The following MALRD1 variants were observed in gnomAD, a reference collection of about 807,000 sequenced individuals.
The protein encoded by MALRD1 is MAM and LDL receptor class A domain containing 1.
Under a neutral mutation model 242.1 loss-of-function variants are expected in MALRD1, and 247 were observed. The observed-to-expected ratio is 1.02, with a 90% confidence interval of 0.92 to 1.13. The LOEUF (loss-of-function observed/expected upper bound fraction) is 1.13. MALRD1 is among the 50% of genes most tolerant of loss of function. The probability of loss-of-function intolerance (pLI) is 0.00; values close to 1 mark genes in which losing one functional copy is unlikely to be tolerated. For missense variants in MALRD1, 2,989 were observed against 2,533.1 expected (o/e 1.18, Z -3.86); for synonymous variants, 995 against 866.6 (o/e 1.15, Z -2.60).
At chr10:19,521,022 C>T (rs960553792) in intron 31 of MALRD1, among the ~76,000 whole-genome samples, 5 of 152,036 alleles carry the variant, frequency 3.3e-5, no homozygotes, top group South Asian at 2.1e-4. Context: ...TGCTTGCTTG[C>T]GTTTTTTGTT....
At chr10:19,349,023 G>A (rs1302407136) in intron 25 of MALRD1, among the ~76,000 whole-genome samples, 2 of 151,994 alleles carry the variant, frequency 1.3e-5, no homozygotes, top group East Asian at 3.9e-4. Context: ...GTGCAGTGGC[G>A]TGATTTCAGC....
intron 2 of MALRD1, among the ~76,000 whole-genome samples, chr10:19,069,304 C>A (rs1045998734): frequency 6.6e-6 from 1 of 151,902 alleles, no homozygotes; most frequent in Non-Finnish European, 1.5e-5. Flanking sequence ...TATTATGAAA[C>A]ATGTACGCTA....
intron 18 of MALRD1, among the ~76,000 whole-genome samples, chr10:19,253,451 T>C (rs1389934492): frequency 6.6e-6 from 1 of 151,982 alleles, no homozygotes; most frequent in Non-Finnish European, 1.5e-5. Flanking sequence ...TGAGCAGTTC[T>C]ATGAATTTCA....
intron 5 of MALRD1, among the ~76,000 whole-genome samples, chr10:19,115,902 A>G (rs1257599194): frequency 1.3e-5 from 2 of 152,122 alleles, no homozygotes; most frequent in Non-Finnish European, 2.9e-5. Context: ...AAAAAAATAC[A>G]TATAAGCTAT....
intron 24 of MALRD1, among the ~76,000 whole-genome samples, chr10:19,334,308 G>C (rs1843514508): frequency 6.6e-6 from 1 of 151,180 alleles, no homozygotes; most frequent in South Asian, 2.1e-4. Flanking sequence ...TTGCCTTTAA[G>C]TCTTTAATCT....
intron 24 of MALRD1, among the ~76,000 whole-genome samples, chr10:19,332,252 C>A (rs1843410370): frequency 6.6e-6 from 1 of 151,478 alleles, no homozygotes; most frequent in Non-Finnish European, 1.5e-5. Context: ...AGCCTGCAGC[C>A]TCTGATGCAT....
chr10:19,698,572 C>A (rs537360810), intron 38 of MALRD1, among the ~76,000 whole-genome samples: 4 of 152,228 alleles, frequency 2.6e-5, no homozygotes, highest in South Asian at 2.1e-4. Flanking sequence ...AGTTTTTCCT[C>A]TTTCCTGGGA....
chr10:19,293,601 G>A (rs990964117), intron 21 of MALRD1, among the ~76,000 whole-genome samples: 1 of 152,058 alleles, frequency 6.6e-6, no homozygotes, highest in Non-Finnish European at 1.5e-5. Flanking sequence ...TGTCTTTTGT[G>A]GGAACATGGA....
chr10:19,088,540 T>C lies in MALRD1; in HGVS notation c.597+355T>C, dbSNP rs1322281241. 3.0e-4 allele frequency among the ~76,000 whole-genome samples: 29 copies of C among 95,768 alleles called. 1 individual carries two copies. In the Middle Eastern group the frequency reaches 0.025, roughly 83 times the overall value. The allele number at this position is 95,768 out of a possible 152,430, so 62.8% of individuals were successfully genotyped here. ...GCTCCAACTTCCTCTTTCTTTCTTT[T>C]TTTTTTTTTTTTATTTTATAAAGTT... is the stretch of plus-strand genomic sequence containing the variant. On this transcript the variant is annotated intron_variant, in intron 4 of 39. Transcript: ENST00000454679.
At chr10:19,083,503 G>T (rs1305597974) in intron 2 of MALRD1, among the ~76,000 whole-genome samples, 2 of 151,998 alleles carry the variant, frequency 1.3e-5, no homozygotes, top group Non-Finnish European at 2.9e-5. Context: ...TGACTATGAA[G>T]TTATAACACT....
chr10:19,246,354 G>A (rs887604256), intron 18 of MALRD1, among the ~76,000 whole-genome samples: 1 of 152,144 alleles, frequency 6.6e-6, no homozygotes, highest in African/African-American at 2.4e-5. Context: ...TGGGGATACT[G>A]TCCAGGTCAC....
At chr10:19,627,632 G>T (rs573797373) in intron 36 of MALRD1, among the ~76,000 whole-genome samples, 21 of 151,620 alleles carry the variant, frequency 1.4e-4, no homozygotes, top group African/African-American at 3.9e-4. Flanking sequence ...GTGGTGGCAG[G>T]TTCCTGTAAT....
At chr10:19,257,153 A>G (rs1490614143) in intron 18 of MALRD1, among the ~76,000 whole-genome samples, 1 of 152,112 alleles carries the variant, frequency 6.6e-6, no homozygotes, top group Non-Finnish European at 1.5e-5. Flanking sequence ...GCCCTGAAGG[A>G]GATCTAATCA....
At chr10:19,083,404 C>T (rs1321012852) in intron 2 of MALRD1, among the ~76,000 whole-genome samples, 1 of 151,942 alleles carries the variant, frequency 6.6e-6, no homozygotes, top group Non-Finnish European at 1.5e-5. Flanking sequence ...GCTAGATTTG[C>T]AGGAATATGT....
intron 38 of MALRD1, among the ~76,000 whole-genome samples, chr10:19,727,541 A>T (rs1460624194): frequency 6.6e-6 from 1 of 152,184 alleles, no homozygotes; most frequent in Admixed American, 6.5e-5. Context: ...TAAACTTAAT[A>T]ATAATTTATA....
At chr10:19,186,154 C>G (rs1354886078) in intron 14 of MALRD1, among the ~76,000 whole-genome samples, 1 of 152,078 alleles carries the variant, frequency 6.6e-6, no homozygotes, top group East Asian at 1.9e-4. Context: ...GTAAATAAGT[C>G]TCTGTAGGGA....
chr10:19,624,571 T>C (rs1839560730), intron 36 of MALRD1, among the ~76,000 whole-genome samples: 1 of 151,928 alleles, frequency 6.6e-6, no homozygotes, highest in South Asian at 2.1e-4. Context: ...GCAGTTAAGA[T>C]GAGGAGCATT....
intron 38 of MALRD1, among the ~76,000 whole-genome samples, chr10:19,697,069 A>G (rs1217193924): frequency 6.6e-6 from 1 of 152,214 alleles, no homozygotes; most frequent in Non-Finnish European, 1.5e-5. Flanking sequence ...ATAAACCACT[A>G]GGTGAAATAC....
intron 28 of MALRD1, among the ~76,000 whole-genome samples, chr10:19,409,987 A>T (rs1833206561): frequency 6.6e-6 from 1 of 152,082 alleles, no homozygotes; most frequent in Non-Finnish European, 1.5e-5. Context: ...ATATGTTTAG[A>T]TCTGTAAAAT....
Sources: allele counts gnomAD v4.1 joint callset (sites outside exome capture counted in the v4.1 genomes callset), GRCh38; gene constraint gnomAD v4.1.1; transcripts MANE v1.5; gene names NCBI Gene and HGNC (gene_info 2026-07-23, HGNC 2026-07-21).